The following PUM2 variants were observed in gnomAD, a reference collection of about 807,000 sequenced individuals.
PUM2 encodes pumilio RNA binding family member 2.
In PUM2, 57 loss-of-function variants were observed where a neutral mutation model predicts 124.5. The ratio of observed to expected loss-of-function variants is 0.46; its 90% CI spans 0.37 to 0.57. PUM2 has a LOEUF of 0.57. Ranked by LOEUF, PUM2 falls within the 20% of genes least tolerant of loss-of-function variation. The probability of loss-of-function intolerance (pLI) is 0.00; values close to 1 mark genes in which losing one functional copy is unlikely to be tolerated. For missense variants in PUM2, 1,065 were observed against 1,290.6 expected (o/e 0.83, Z 2.68); for synonymous variants, 460 against 446.1 (o/e 1.03, Z -0.39).
intron 1 of PUM2, among the ~76,000 whole-genome samples, chr2:20,334,031 T>C (rs998768791): frequency 6.6e-6 from 1 of 152,294 alleles, no homozygotes; most frequent in African/African-American, 2.4e-5. Flanking sequence ...TCCCCAGAAG[T>C]AGAAGCCACT....
chr2:20,312,974 T>C (rs527891806), intron 3 of PUM2, among the ~76,000 whole-genome samples: 3 of 152,336 alleles, frequency 2.0e-5, no homozygotes, highest in Admixed American at 6.5e-5. Flanking sequence ...AAGGATTCCC[T>C]ATTTAATAAA....
intron 7 of PUM2, among the ~76,000 whole-genome samples, chr2:20,302,508 C>A (rs927669071): frequency 4.6e-5 from 7 of 152,112 alleles, no homozygotes; most frequent in Non-Finnish European, 7.3e-5. Flanking sequence ...AACCGCCCCC[C>A]CAAGTTATTT....
rs1005511755 is a variant in PUM2 at position 20,250,575 on chromosome 2, A to G, written c.*1010T>C. On this transcript the variant is annotated 3_prime_UTR_variant, in exon 21 of 21. Transcript: ENST00000361078. ...ATCTATTACTACACACACAATGCAT[A>G]TATTTATAGAAAGCAAAAAGAGCTA... 1 of 152,174 alleles carries G rather than the reference A, an allele frequency of 6.6e-6. No homozygotes were observed. The highest frequency in any genetic ancestry group is 1.5e-5 in the Non-Finnish European group (1 of 67,998). The allele number at this position is 152,174 out of a possible 1,614,324, so 9.4% of individuals were successfully genotyped here.
chr2:20,293,977 T>TA (rs1168363098), intron 9 of PUM2, among the ~76,000 whole-genome samples: 2 of 152,076 alleles, frequency 1.3e-5, no homozygotes, highest in Non-Finnish European at 2.9e-5. Context: ...TGCTTAAAAA[T>TA]AAAAAATACC....
At chr2:20,312,662 C>T (rs1014215008) in intron 3 of PUM2, among the ~76,000 whole-genome samples, 1 of 152,084 alleles carries the variant, frequency 6.6e-6, no homozygotes, top group African/African-American at 2.4e-5. Context: ...TTTACAGATT[C>T]AATGCTATCC....
chr2:20,340,364 G>C (rs1379038199), intron 1 of PUM2, among the ~76,000 whole-genome samples: 1 of 152,244 alleles, frequency 6.6e-6, no homozygotes, highest in Non-Finnish European at 1.5e-5. Context: ...ACAACAGTAA[G>C]ATGTGGGATG....
intron 9 of PUM2, among the ~76,000 whole-genome samples, chr2:20,291,024 CTT>C (rs1673932987): frequency 6.6e-6 from 1 of 152,080 alleles, no homozygotes; most frequent in African/African-American, 2.4e-5. Flanking sequence ...TACAGAAAAT[CTT>C]TGGTTAAAAA....
At chr2:20,274,973 A>AAAAAAAAAAAAAAAAAAAAAAAAAAC (rs1483862096) in intron 13 of PUM2, among the ~76,000 whole-genome samples, 1 of 147,682 alleles carries the variant, frequency 6.8e-6, no homozygotes. Context: ...AAAAAAAAAA[A>AAAAAAAAAAAAAAAAAAAAAAAAAAC]AGATGCTTAC....
intron 3 of PUM2, among the ~76,000 whole-genome samples, chr2:20,312,861 CA>C (rs1679957840): frequency 6.6e-6 from 1 of 152,034 alleles, no homozygotes; most frequent in African/African-American, 2.4e-5. Context: ...GTACTGGTAC[CA>C]AAACAGATAT....
Position 20,251,385 on chromosome 2 carries a change from A to ATT in PUM2, c.*199_*200insAA. 1 of 564,108 alleles carries ATT rather than the reference A, an allele frequency of 1.8e-6. No individual in the cohort carries two copies. The highest frequency in any genetic ancestry group is 3.4e-5 in the East Asian group (1 of 29,498). The allele number at this position is 564,108 out of a possible 1,614,324, so 34.9% of individuals were successfully genotyped here. ...CTGATAGGTCTCCACTCAGGGCTGA[A>ATT]TATAATTTATAATTCATCCCCCACC... On this transcript the variant is annotated 3_prime_UTR_variant, in exon 21 of 21. Transcript: ENST00000361078.
intron 2 of PUM2, among the ~76,000 whole-genome samples, chr2:20,326,601 T>C (rs1041747922): frequency 2.6e-5 from 4 of 152,216 alleles, no homozygotes; most frequent in African/African-American, 9.6e-5. Context: ...ATTCATTAGC[T>C]ATATGAAAAA....
At chr2:20,294,612 G>A in intron 8 of PUM2, 94 bp from the exon 9 acceptor site, 4 of 1,350,014 alleles carry the variant, frequency 3.0e-6, no homozygotes, top group Non-Finnish European at 2.0e-6. Context: ...AAGGGGGCAG[G>A]AAGAAGACTT....
chr2:20,313,017 A>G (rs1374462287), intron 3 of PUM2, among the ~76,000 whole-genome samples: 2 of 152,244 alleles, frequency 1.3e-5, no homozygotes, highest in African/African-American at 4.8e-5. Context: ...CCATATGTAG[A>G]AAGCTGAAAC....
At position 20,276,818 on chromosome 2, in the gene PUM2, G is replaced by A. The variant is rs777373656; in HGVS notation, c.1957+1765C>T. 2.7e-4 allele frequency among the ~76,000 whole-genome samples: 41 copies of A among 152,116 alleles called. No homozygotes were observed. In the Middle Eastern group the frequency reaches 0.017, roughly 63 times the overall value. ...GGGTCACAAAAAGAAAATAACACAG[G>A]TAATTGCTAATTCCAATCAGAGGTG... On this transcript the variant is annotated intron_variant, in intron 13 of 20. Transcript: ENST00000361078.
chr2:20,313,621 G>T (rs1214482847), intron 3 of PUM2, among the ~76,000 whole-genome samples: 1 of 152,026 alleles, frequency 6.6e-6, no homozygotes. Context: ...CTTGAGCAGA[G>T]GAGCTTGAGA....
chr2:20,329,007 C>A (rs780250593), intron 1 of PUM2, among the ~76,000 whole-genome samples: 7 of 151,792 alleles, frequency 4.6e-5, no homozygotes, highest in Admixed American at 1.3e-4. Flanking sequence ...TCGATTTTTA[C>A]AAGAAATTTA....
intron 3 of PUM2, among the ~76,000 whole-genome samples, chr2:20,317,438 C>A (rs897139468): frequency 3.3e-5 from 5 of 152,126 alleles, no homozygotes; most frequent in African/African-American, 1.2e-4. Context: ...TAAAGCTAGG[C>A]TGAGCTGCAA....
intron 20 of PUM2, 26 bp downstream of exon 20, chr2:20,253,796 T>TA (rs1303883078): frequency 3.8e-6 from 6 of 1,569,396 alleles, no homozygotes; most frequent in Admixed American, 1.7e-5. Context: ...GACAAACAGT[T>TA]ATCTGAGTGT....
chr2:20,275,580 G>A (rs1043154013), intron 13 of PUM2, among the ~76,000 whole-genome samples: 21 of 152,010 alleles, frequency 1.4e-4, no homozygotes, highest in African/African-American at 5.1e-4. Flanking sequence ...GGTGGATCAG[G>A]CTGGTCATCT....
Sources: allele counts gnomAD v4.1 joint callset (sites outside exome capture counted in the v4.1 genomes callset), GRCh38; gene constraint gnomAD v4.1.1; transcripts MANE v1.5; gene names NCBI Gene and HGNC (gene_info 2026-07-23, HGNC 2026-07-21).